HHIPL1: variants seen among roughly 807,000 people sequenced by gnomAD.
The protein encoded by HHIPL1 is HHIP like 1, also known as HHIP-like protein 1.
In HHIPL1, 43 loss-of-function variants were observed where a neutral mutation model predicts 61.8. That is an observed-to-expected ratio of 0.70 (90% CI 0.55 to 0.90). The LOEUF (loss-of-function observed/expected upper bound fraction) is 0.90, where lower values mean the gene tolerates loss of function less well. Ranked by LOEUF, HHIPL1 falls within the 40% of genes least tolerant of loss-of-function variation. HHIPL1 has a pLI of 0.00. For missense variants in HHIPL1, 1,056 were observed against 1,157.7 expected, an observed-to-expected ratio of 0.91 and a Z score of 1.28; for synonymous variants, 482 against 515.8, an observed-to-expected ratio of 0.93 and a Z score of 0.89.
the HHIPL1 span, among the ~76,000 whole-genome samples, chr14:99,631,049 T>C: frequency 0.024 from 265 of 10,940 alleles, no homozygotes; most frequent in African/African-American, 0.058. Flanking sequence ...GTGGCTCCAT[T>C]TTCTTTCTTT....
In HHIPL1 at chr14:99,672,295, ACCT is replaced by A. The variant is rs750983469; in HGVS notation, c.1731-18_1731-16del. Reference sequence around the variant, plus strand: ...GTGGGCTCCCAGGGTGAGACTCATAACCTCCTGTGTGTCGTTGGCAGGCGGGCA... The same window carrying A: ...GTGGGCTCCCAGGGTGAGACTCATAACCTGTGTGTCGTTGGCAGGCGGGCA... On this transcript the variant is annotated intron_variant, in intron 7 of 8. Transcript: ENST00000330710. The A allele has an allele frequency of 2.6e-6, 4 of 1,549,592 alleles. No homozygotes were observed. In the South Asian group the frequency reaches 4.8e-5, roughly 18 times the overall value.
chr14:99,620,975 C>T, the HHIPL1 span, among the ~76,000 whole-genome samples: 3 of 152,226 alleles, frequency 2.0e-5, no homozygotes, highest in African/African-American at 7.2e-5. Context: ...GTAGTGAGTT[C>T]CCTGTCCCTA....
At position 99,657,039 on chromosome 14, in the gene HHIPL1, C is replaced by T. The variant is rs142782592; in HGVS notation, c.942C>T (p.Asn314=). ...TCAAAGAACCAGCCTCAAACCACAACGGGGGCCAGCTGCTTTTCGGGGATG... is the reference window on the plus strand; with the variant it reads ...TCAAAGAACCAGCCTCAAACCACAATGGGGGCCAGCTGCTTTTCGGGGATG... ...LEVKEPASNH[N]GGQLLFGDDG... is the part of the protein sequence containing the mutation. Residue 314 remains asparagine (N), a synonymous_variant, in exon 3 of 9, where the codon AAC becomes AAT. Transcript: ENST00000330710. The T allele has an allele frequency of 1.2e-5, 20 of 1,613,270 alleles. No homozygotes were observed. The African/African-American group carries it at 1.9e-4, about 15-fold the overall frequency.
Position 99,660,143 on chromosome 14 carries a change from GGGCACGCCAGCCC to G in HHIPL1, c.1376-136_1376-124del. The G allele has an allele frequency of 3.2e-5, 23 of 709,162 alleles. No homozygotes were observed. Among genetic ancestry groups the G allele is most frequent in the South Asian group, 2.0e-4 (8 of 39,580 alleles). The allele number at this position is 709,162 out of a possible 1,614,324, so 43.9% of individuals were successfully genotyped here. ...CTTTCCACCACGCCAGCCCTGCTGT[GGGCACGCCAGCCC>G]TGCTGTGGGCACGCCCCTCCCTCCG... is the stretch of plus-strand genomic sequence containing the variant. On this transcript the variant is annotated intron_variant, in intron 4 of 8. Transcript: ENST00000330710. This position sits in a 1 kb window ranked among gnomAD's most constrained non-coding sequence, Gnocchi z 4.9.
the HHIPL1 span, among the ~76,000 whole-genome samples, chr14:99,635,695 A>C: frequency 6.6e-6 from 1 of 152,118 alleles, no homozygotes; most frequent in Non-Finnish European, 1.5e-5. Flanking sequence ...AAGAGGCTGC[A>C]CGCAGGCCCA....
chr14:99,632,606 T>C, the HHIPL1 span, among the ~76,000 whole-genome samples: 5 of 152,132 alleles, frequency 3.3e-5, no homozygotes, highest in Admixed American at 6.5e-5. Flanking sequence ...AGATCTCTAT[T>C]AATGCAGCCA....
chr14:99,616,294 C>T, the HHIPL1 span, among the ~76,000 whole-genome samples: 1 of 152,202 alleles, frequency 6.6e-6, no homozygotes, highest in African/African-American at 2.4e-5. Context: ...GCATTGTATG[C>T]TCCATGACAA....
the HHIPL1 span, among the ~76,000 whole-genome samples, chr14:99,616,546 C>T: frequency 1.3e-5 from 2 of 152,042 alleles, no homozygotes; most frequent in African/African-American, 4.8e-5. Flanking sequence ...CAATAAAGAA[C>T]AGTACAAGTG....
intron 7 of HHIPL1, among the ~76,000 whole-genome samples, chr14:99,670,672 G>A: frequency 6.6e-6 from 1 of 151,848 alleles, no homozygotes; most frequent in Admixed American, 6.6e-5. Flanking sequence ...CCCATCCATT[G>A]TTATCTATGC....
the HHIPL1 span, among the ~76,000 whole-genome samples, chr14:99,631,258 G>A: frequency 3.3e-5 from 5 of 151,788 alleles, no homozygotes; most frequent in South Asian, 4.2e-4. Context: ...CACCATACCC[G>A]GCTAAGTTTT....
chr14:99,644,539 G>A (rs1358957386), upstream of HHIPL1, among the ~76,000 whole-genome samples: 2 of 152,158 alleles, frequency 1.3e-5, no homozygotes, highest in South Asian at 4.1e-4. Context: ...CATCCCAGGA[G>A]GTAGATTCAT....
rs1015578871 is a variant in HHIPL1 at position 99,659,596 on chromosome 14, C to T, written c.1215C>T (p.Asp405=). 2 of 1,552,472 alleles carry T rather than the reference C, an allele frequency of 1.3e-6. No homozygotes were observed. The highest frequency in any genetic ancestry group is 1.7e-6 in the Non-Finnish European group (2 of 1,152,142). Residue 405 remains aspartate, a synonymous_variant, in exon 4 of 9, where the codon GAC becomes GAT. Coordinates refer to ENST00000330710, the MANE Select transcript of HHIPL1 (RefSeq NM_001127258.3). The stretch of plus-strand genomic sequence containing the variant: ...GGCGCTGCTCCTTCGACCGTGGCGA[C>T]CCCTCCTCGGGCACTGGCCGCGGGC... ...NMWRCSFDRG[D]PSSGTGRGRL...
chr14:99,610,693 A>G, the HHIPL1 span, among the ~76,000 whole-genome samples: 10 of 152,134 alleles, frequency 6.6e-5, no homozygotes, highest in Admixed American at 2.0e-4. Flanking sequence ...CCCGGGAGGC[A>G]GAGGTTGCAG....
intron 1 of HHIPL1, among the ~76,000 whole-genome samples, chr14:99,646,013 C>G (rs1323343749): frequency 2.6e-5 from 4 of 152,394 alleles, no homozygotes; most frequent in Middle Eastern, 3.4e-3. Flanking sequence ...TCCGCCACCA[C>G]CTCTGTGGGT....
At chr14:99,656,582 C>T (rs970151397) in intron 2 of HHIPL1, among the ~76,000 whole-genome samples, 1 of 151,794 alleles carries the variant, frequency 6.6e-6, no homozygotes, top group African/African-American at 2.4e-5. Context: ...TTGAGACCAA[C>T]CTGGCCAACA....
At chr14:99,646,953 G>C (rs550713619) in intron 1 of HHIPL1, among the ~76,000 whole-genome samples, 24 of 152,070 alleles carry the variant, frequency 1.6e-4, no homozygotes, top group Non-Finnish European at 2.6e-4. Flanking sequence ...TAGGGGCTCG[G>C]TAAGTGTTTG....
intron 4 of HHIPL1, 100 bp downstream of exon 4, chr14:99,659,856 C>CG (rs1321094721): frequency 1.9e-6 from 1 of 520,860 alleles, no homozygotes; most frequent in Non-Finnish European, 2.8e-6. Flanking sequence ...ACCCCCCCCC[C>CG]CCCGGAGATC....
At position 99,646,808 on chromosome 14, in the gene HHIPL1, ATATG is replaced by A. The variant is rs1566804737; in HGVS notation, c.255+1347_255+1350del. 3.6e-4 allele frequency among the ~76,000 whole-genome samples: 36 copies of A among 101,394 alleles called. No homozygotes were observed. The East Asian group carries it at 4.1e-3, about 12-fold the overall frequency. The allele number at this position is 101,394 out of a possible 152,430, so 66.5% of individuals were successfully genotyped here. ...ATATAATATAATATGATATGATATG[ATATG>A]ATATGATATGATATGATATGATATA... On this transcript the variant is annotated intron_variant, in intron 1 of 8. Transcript: ENST00000330710.
chr14:99,611,746 T>C, the HHIPL1 span, among the ~76,000 whole-genome samples: 1 of 152,014 alleles, frequency 6.6e-6, no homozygotes, highest in Non-Finnish European at 1.5e-5. Flanking sequence ...GGGTTGTTTT[T>C]TTTTTTTCCT....
Sources: allele counts gnomAD v4.1 joint callset (sites outside exome capture counted in the v4.1 genomes callset), GRCh38; gene constraint gnomAD v4.1.1; non-coding constraint Gnocchi (gnomAD v3.1); transcripts MANE v1.5; gene names NCBI Gene and HGNC (gene_info 2026-07-23, HGNC 2026-07-21).